The following DNAAF8 variants were observed in gnomAD, a reference collection of about 807,000 sequenced individuals.
The protein encoded by DNAAF8 is dynein axonemal-associated protein 1.
A neutral mutation model predicts 54.6 loss-of-function variants in DNAAF8; 61 were observed. The ratio of observed to expected loss-of-function variants is 1.12; its 90% CI spans 0.91 to 1.38. The LOEUF is 1.38. Ranked by LOEUF, DNAAF8 falls within the 40% of genes most tolerant of loss-of-function variation. The pLI is 0.00. For synonymous variants in DNAAF8, 320 were observed against 270.1 expected (o/e 1.18, Z -1.81); for missense variants, 837 against 665.0 (o/e 1.26, Z -2.85).
At chr16:4,736,709 G>A in intron 2 of DNAAF8, 66 bp downstream of exon 2, 1 of 1,381,966 alleles carries the variant, frequency 7.2e-7, no homozygotes, top group Non-Finnish European at 9.6e-7. Flanking sequence ...CGCTGGCCAG[G>A]ACAGCTTTGG....
In DNAAF8 at chr16:4,740,218, T is replaced by C. The variant is rs372967863; in HGVS notation, c.342T>C (p.Asp114=). The part of the protein sequence containing the change: ...PGCRQNTRTK[D]ASSQEGRDPG... The stretch of plus-strand genomic sequence containing the variant: ...GCAGACAGAACACAAGGACAAAGGA[T>C]GCATCCTCTCAGGAAGGAAGAGACC... Residue 114 remains aspartate, a synonymous_variant, in exon 4 of 10, where the codon GAT becomes GAC. Coordinates refer to ENST00000299320, the MANE Select transcript of DNAAF8 (RefSeq NM_139170.3). 5 of 1,613,932 alleles carry C rather than the reference T, an allele frequency of 3.1e-6. No individual in the cohort carries two copies. In the African/African-American group the frequency reaches 4.0e-5, roughly 13 times the overall value.
chr16:4,737,900 A>G lies in DNAAF8; in HGVS notation c.230A>G (p.Asp77Gly). 1 of 1,614,204 alleles carries G rather than the reference A, an allele frequency of 6.2e-7. No homozygotes were observed. The highest frequency in any genetic ancestry group is 8.5e-7 in the Non-Finnish European group (1 of 1,180,036). ...CTGGCTGAAGATCCTGCCGATGGCG[A>G]CAAGTCCAGGGCCTGGGTCGCTGCA... ...EELAEDPADG[D>G]KSRAWVAAAE... Residue 77 changes from aspartate to glycine, a missense_variant, in exon 3 of 10, where the codon GAC (aspartate) becomes GGC (glycine). Physicochemically the swap from Asp to Gly is moderately conservative, Grantham distance 94 (BLOSUM62 -1). Coordinates refer to ENST00000299320, the MANE Select transcript of DNAAF8 (RefSeq NM_139170.3).
rs1032551765 is a variant in DNAAF8, at chr16:4,737,795, C to A, written c.130-5C>A. The A allele has an allele frequency of 2.5e-6, 4 of 1,614,074 alleles. No individual in the cohort carries two copies. Among genetic ancestry groups the A allele is most frequent in the Non-Finnish European group, 3.4e-6 (4 of 1,179,974 alleles). On this transcript the variant is annotated splice_polypyrimidine_tract_variant and splice_region_variant and intron_variant, in intron 2 of 9. Coordinates refer to ENST00000299320, the MANE Select transcript of DNAAF8 (RefSeq NM_139170.3). ...TCCTCCAAAAGCCCTCTCATTTGTC[C>A]ACAGTCGGACTATGGGGAAGAGGAG...
At chr16:4,737,764 G>A (rs1473946739) in intron 2 of DNAAF8, 36 bp from the exon 3 acceptor site, 2 of 1,611,806 alleles carry the variant, frequency 1.2e-6, no homozygotes, top group Non-Finnish European at 1.7e-6. Flanking sequence ...TCTGCCTGCT[G>A]CCTTGTCCTC....
At chr16:4,738,064 T>A (rs183992795) in intron 3 of DNAAF8, 118 bp downstream of exon 3, 32 of 1,257,620 alleles carry the variant, frequency 2.5e-5, no homozygotes, top group African/African-American at 7.6e-5. Flanking sequence ...CTTTTTTTTT[T>A]CCCCCATGTA....
Position 4,734,631 on chromosome 16 carries a change from G to C in DNAAF8, c.-119G>C, listed in dbSNP as rs974163436. The C allele has an allele frequency of 3.3e-5, 5 of 152,444 alleles. No individual in the cohort carries two copies. The highest frequency in any genetic ancestry group is 7.3e-5 in the Non-Finnish European group (5 of 68,268). The allele number at this position is 152,444 out of a possible 1,614,324, so 9.4% of individuals were successfully genotyped here. A position where few individuals can be genotyped will look rare whatever the true frequency, so the allele number is the denominator to read the frequency against. ...GCGGCCCGAGGGGCGGACGCGAGCG[G>C]AGTGACGCGCTGGAGGCTGTTTATA... On this transcript the variant is annotated 5_prime_UTR_variant, in exon 1 of 10. Coordinates refer to ENST00000299320, the MANE Select transcript of DNAAF8 (RefSeq NM_139170.3).
chr16:4,736,761 G>C, intron 2 of DNAAF8, 118 bp downstream of exon 2: 1 of 1,159,800 alleles, frequency 8.6e-7, no homozygotes, highest in Admixed American at 3.0e-5. Context: ...TGTGCAGTTT[G>C]TTGTCATTTT....
chr16:4,747,715 A>G, intron 9 of DNAAF8, 81 bp downstream of exon 9: 1 of 1,433,596 alleles, frequency 7.0e-7, no homozygotes, highest in Non-Finnish European at 9.3e-7. Flanking sequence ...TTGTTCCTGC[A>G]TTTCCACTAG....
intron 4 of DNAAF8, among the ~76,000 whole-genome samples, chr16:4,742,788 A>T (rs933356528): frequency 6.6e-6 from 1 of 152,152 alleles, no homozygotes; most frequent in Non-Finnish European, 1.5e-5. Flanking sequence ...TGTGCCAAAA[A>T]CAAAAGTGAA....
chr16:4,736,195 A>G (rs2081897191), intron 1 of DNAAF8, among the ~76,000 whole-genome samples: 1 of 152,140 alleles, frequency 6.6e-6, no homozygotes, highest in Non-Finnish European at 1.5e-5. Flanking sequence ...GTATATTTAT[A>G]TCAATACATA....
chr16:4,736,483 C>T lies in DNAAF8; in HGVS notation c.-32C>T. The T allele has an allele frequency of 6.6e-7, 1 of 1,507,998 alleles. No individual in the cohort carries two copies. Among genetic ancestry groups the T allele is most frequent in the Non-Finnish European group, 8.9e-7 (1 of 1,118,036 alleles). The allele number at this position is 1,507,998 out of a possible 1,614,324, so 93.4% of individuals were successfully genotyped here. A position where few individuals can be genotyped will look rare whatever the true frequency, so the allele number is the denominator to read the frequency against. On this transcript the variant is annotated 5_prime_UTR_variant, in exon 2 of 10. Coordinates refer to ENST00000299320, the MANE Select transcript of DNAAF8 (RefSeq NM_139170.3). ...CCACAGAGCTCCCCGGATTATGGTGCACTGAGAAGGCATCTGGAAGCCTGG... is the reference window on the plus strand; with the variant it reads ...CCACAGAGCTCCCCGGATTATGGTGTACTGAGAAGGCATCTGGAAGCCTGG...
At chr16:4,747,197 C>G (rs1316941155) in intron 8 of DNAAF8, 146 bp from the exon 9 acceptor site, 1 of 1,217,476 alleles carries the variant, frequency 8.2e-7, no homozygotes, top group Non-Finnish European at 1.2e-6. Context: ...TGGGTCCCAG[C>G]AGTGGCAGCA....
At chr16:4,737,715 G>A in intron 2 of DNAAF8, 85 bp from the exon 3 acceptor site, 1 of 1,500,472 alleles carries the variant, frequency 6.7e-7, no homozygotes, top group Non-Finnish European at 9.2e-7. Context: ...GGAAGTGAGA[G>A]TGGAGAGTGG....
At chr16:4,742,614 G>A (rs1025137806) in intron 4 of DNAAF8, among the ~76,000 whole-genome samples, 2 of 152,056 alleles carry the variant, frequency 1.3e-5, no homozygotes, top group African/African-American at 4.8e-5. Flanking sequence ...CAGCTACTTG[G>A]GAGGCTGAGG....
Position 4,737,905 on chromosome 16 carries a change from T to C in DNAAF8, c.235T>C (p.Ser79Pro). 1 of 1,614,196 alleles carries C rather than the reference T, an allele frequency of 6.2e-7. No homozygotes were observed. Among genetic ancestry groups the C allele is most frequent in the South Asian group, 1.1e-5 (1 of 91,088 alleles). The change falls in exon 3 of 10, where the codon TCC becomes CCC. Residue 79 changes from serine to proline, a missense_variant. Ser to Pro is a moderately conservative substitution (Grantham distance 74, BLOSUM62 -1). Coordinates refer to ENST00000299320, the MANE Select transcript of DNAAF8 (RefSeq NM_139170.3). ...TGAAGATCCTGCCGATGGCGACAAG[T>C]CCAGGGCCTGGGTCGCTGCAGCTGA... ...LAEDPADGDK[S>P]RAWVAAAEES...
intron 5 of DNAAF8, among the ~76,000 whole-genome samples, chr16:4,744,277 T>C (rs1309498877): frequency 6.6e-6 from 1 of 152,208 alleles, no homozygotes; most frequent in Admixed American, 6.5e-5. Flanking sequence ...AATCAAGCTA[T>C]TGCAATTAGA....
At chr16:4,736,779 A>G in intron 2 of DNAAF8, 136 bp downstream of exon 2, 1 of 1,003,228 alleles carries the variant, frequency 1.0e-6, no homozygotes, top group Non-Finnish European at 1.3e-6. Context: ...TTTACTTTAA[A>G]TCGCATGGCC....
At chr16:4,745,965 A>G (rs1183910244) in intron 6 of DNAAF8, among the ~76,000 whole-genome samples, 4 of 151,724 alleles carry the variant, frequency 2.6e-5, no homozygotes, top group African/African-American at 7.3e-5. Flanking sequence ...AAAAAAAAAA[A>G]AAAAGAAAAA....
At position 4,740,674 on chromosome 16, in the gene DNAAF8, G is replaced by T; in HGVS notation, c.783+15G>T. 6.4e-7 allele frequency: 1 copy of T among 1,562,386 alleles called. No individual in the cohort carries two copies. The highest frequency in any genetic ancestry group is 8.6e-7 in the Non-Finnish European group (1 of 1,160,058). ...TCTCGCTCCAGGTAGGCGCCTCCCCGTGCCTGGCTGTTTCTCAGGCCTGTT... is the reference window on the plus strand; with the variant it reads ...TCTCGCTCCAGGTAGGCGCCTCCCCTTGCCTGGCTGTTTCTCAGGCCTGTT... On this transcript the variant is annotated intron_variant, in intron 4 of 9. Transcript: ENST00000299320.
Sources: gnomAD v4.1 joint callset for allele counts (sites outside exome capture counted in the v4.1 genomes callset) on GRCh38, gnomAD v4.1.1 for gene constraint, MANE v1.5 for transcripts, NCBI Gene and HGNC (gene_info 2026-07-23, HGNC 2026-07-21) for gene names.